Variants in PRKCE observed in about 807,000 individuals in gnomAD.
PRKCE encodes protein kinase C epsilon, also known as protein kinase C epsilon type.
Under a neutral mutation model 85.4 loss-of-function variants are expected in PRKCE, and 16 were observed. That is an observed-to-expected ratio of 0.19 (90% CI 0.13 to 0.28). PRKCE has a LOEUF of 0.28. Ranked by LOEUF, PRKCE falls within the 10% of genes least tolerant of loss-of-function variation. The pLI, the probability that PRKCE is intolerant of heterozygous loss-of-function variation, is 1.00. For synonymous variants in PRKCE, 388 were observed against 371.5 expected (o/e 1.04, Z -0.51); for missense variants, 573 against 975.2 (o/e 0.59, Z 5.49).
At chr2:45,831,671 A>G (rs1005860341) in intron 1 of PRKCE, among the ~76,000 whole-genome samples, 75 of 152,354 alleles carry the variant, frequency 4.9e-4, no homozygotes, top group African/African-American at 1.8e-3. Context: ...AATGTCTAAA[A>G]TAAGAAATCA....
intron 1 of PRKCE, among the ~76,000 whole-genome samples, chr2:45,748,536 A>G (rs1683312513): frequency 6.6e-6 from 1 of 152,148 alleles, no homozygotes; most frequent in Admixed American, 6.6e-5. Context: ...ATCCTTCTGC[A>G]CGTTTAGATC....
At chr2:45,928,085 C>T (rs1307479573) in intron 2 of PRKCE, among the ~76,000 whole-genome samples, 1 of 152,082 alleles carries the variant, frequency 6.6e-6, no homozygotes, top group Non-Finnish European at 1.5e-5. Flanking sequence ...TTCAAGGATT[C>T]CCTTTCACCT....
chr2:46,157,302 C>T (rs1001300283), intron 13 of PRKCE, among the ~76,000 whole-genome samples: 10 of 152,208 alleles, frequency 6.6e-5, no homozygotes, highest in African/African-American at 2.4e-4. Flanking sequence ...CCAACACCAG[C>T]CCATCACACC....
intron 6 of PRKCE, among the ~76,000 whole-genome samples, chr2:45,992,888 TGCACCACCCA>T (rs1245784896): frequency 1.3e-5 from 2 of 152,140 alleles, no homozygotes; most frequent in Non-Finnish European, 2.9e-5. Context: ...CTGCTGCTGC[TGCACCACCCA>T]GCACATAGTA....
intron 1 of PRKCE, among the ~76,000 whole-genome samples, chr2:45,792,891 C>T (rs1188904365): frequency 5.9e-5 from 9 of 152,168 alleles, no homozygotes; most frequent in Non-Finnish European, 1.0e-4. Context: ...CTCTGTCTCC[C>T]GGGTTCAGGT....
chr2:46,032,949 A>G (rs770173660), intron 10 of PRKCE, among the ~76,000 whole-genome samples: 2 of 152,180 alleles, frequency 1.3e-5, no homozygotes, highest in Non-Finnish European at 2.9e-5. Context: ...ACACGGAGGT[A>G]TAAGTTGAAG....
At chr2:46,098,811 A>G (rs922761790) in intron 11 of PRKCE, among the ~76,000 whole-genome samples, 1 of 152,088 alleles carries the variant, frequency 6.6e-6, no homozygotes, top group Non-Finnish European at 1.5e-5. Context: ...GAATTGTTTC[A>G]GCAAACAAGT....
chr2:45,981,619 C>T (rs1702895675), intron 5 of PRKCE, among the ~76,000 whole-genome samples: 2 of 152,244 alleles, frequency 1.3e-5, no homozygotes, highest in Admixed American at 6.5e-5. Context: ...CCAGCACCTG[C>T]ACCTCCCGAC....
intron 11 of PRKCE, among the ~76,000 whole-genome samples, chr2:46,133,956 G>A (rs944272517): frequency 6.6e-5 from 10 of 152,200 alleles, no homozygotes; most frequent in Non-Finnish European, 1.0e-4. Context: ...TGGGATAAAG[G>A]CAGAGACCTC....
At chr2:46,161,305 A>G (rs763678279) in intron 14 of PRKCE, among the ~76,000 whole-genome samples, 6 of 152,278 alleles carry the variant, frequency 3.9e-5, no homozygotes, top group Non-Finnish European at 7.3e-5. Flanking sequence ...AGGAGGAGAA[A>G]CTAAAGGCTC....
intron 1 of PRKCE, among the ~76,000 whole-genome samples, chr2:45,765,322 T>C (rs1395512778): frequency 1.3e-5 from 2 of 152,226 alleles, no homozygotes; most frequent in African/African-American, 4.8e-5. Flanking sequence ...ATATGTTTAT[T>C]GAAAGGTCAA....
chr2:46,020,187 C>T (rs1396190857), intron 10 of PRKCE, among the ~76,000 whole-genome samples: 1 of 152,056 alleles, frequency 6.6e-6, no homozygotes, highest in Non-Finnish European at 1.5e-5. Flanking sequence ...GTGGAGGTGC[C>T]TCTGTTGCTT....
intron 10 of PRKCE, among the ~76,000 whole-genome samples, chr2:46,077,752 G>A (rs865798914): frequency 2.0e-5 from 3 of 152,192 alleles, no homozygotes; most frequent in African/African-American, 7.2e-5. Flanking sequence ...CTTTCATTCT[G>A]TATGAATTGA....
At chr2:45,920,891 C>T (rs560253105) in intron 2 of PRKCE, among the ~76,000 whole-genome samples, 1 of 152,272 alleles carries the variant, frequency 6.6e-6, no homozygotes, top group East Asian at 1.9e-4. Context: ...GGATTTATCT[C>T]AAAGCTGTTT....
chr2:46,180,932 C>T (rs2594489), intron 14 of PRKCE, among the ~76,000 whole-genome samples: 71,289 of 152,068 alleles, frequency 0.47, 19,203 homozygotes, highest in African/African-American at 0.75. Context: ...AAAGGCTTCA[C>T]GGATTAGGAA....
In PRKCE at chr2:46,187,524, A is replaced by G. The variant is rs1680532640; in HGVS notation, c.*2643A>G. The G allele has an allele frequency of 6.6e-6, 1 of 152,376 alleles. No individual in the cohort carries two copies. The highest frequency in any genetic ancestry group is 1.5e-5 in the Non-Finnish European group (1 of 67,982). 9.4% of individuals were successfully genotyped at this position (152,376 alleles called of 1,614,324 possible). ...TTAACACTTCTGCCAGTTTTTTCTGATCTTTCCAGCCCCACCCCCTTTCTC... is the reference window on the plus strand; with the variant it reads ...TTAACACTTCTGCCAGTTTTTTCTGGTCTTTCCAGCCCCACCCCCTTTCTC... On this transcript the variant is annotated 3_prime_UTR_variant, in exon 15 of 15. Transcript: ENST00000306156.
intron 1 of PRKCE, among the ~76,000 whole-genome samples, chr2:45,730,296 G>A (rs989978392): frequency 1.3e-5 from 2 of 151,948 alleles, no homozygotes; most frequent in Non-Finnish European, 2.9e-5. Flanking sequence ...AGGATTACAG[G>A]TGTGGGCCAC....
intron 2 of PRKCE, among the ~76,000 whole-genome samples, chr2:45,898,875 G>A (rs1380261633): frequency 6.6e-6 from 1 of 152,214 alleles, no homozygotes; most frequent in Non-Finnish European, 1.5e-5. Flanking sequence ...CCTGTCTTGG[G>A]TCTGCCAGAA....
At chr2:45,812,167 C>T (rs1260574937) in intron 1 of PRKCE, among the ~76,000 whole-genome samples, 1 of 152,226 alleles carries the variant, frequency 6.6e-6, no homozygotes, top group African/African-American at 2.4e-5. Flanking sequence ...GGCTTCACTA[C>T]ACTTGTTCTA....
Sources: allele counts gnomAD v4.1 joint callset (sites outside exome capture counted in the v4.1 genomes callset), GRCh38; gene constraint gnomAD v4.1.1; transcripts MANE v1.5; gene names NCBI Gene and HGNC (gene_info 2026-07-23, HGNC 2026-07-21).